MICAL3: variants seen among roughly 807,000 people sequenced by gnomAD.
MICAL3 encodes the protein microtubule associated monooxygenase, calponin and LIM domain containing 3, also known as [F-actin]-monooxygenase MICAL3.
A neutral mutation model predicts 207.4 loss-of-function variants in MICAL3; 62 were observed. The ratio of observed to expected loss-of-function variants is 0.30; its 90% CI spans 0.24 to 0.37. The LOEUF is 0.37. MICAL3 is among the 10% of genes least tolerant of loss of function. The pLI is 1.00. For synonymous variants in MICAL3, 1,077 were observed against 1,069.3 expected (o/e 1.01, Z -0.14); for missense variants, 2,368 against 2,635.6 (o/e 0.90, Z 2.22).
intron 20 of MICAL3, among the ~76,000 whole-genome samples, chr22:17,832,703 C>T (rs958179861): frequency 2.6e-5 from 4 of 152,042 alleles, no homozygotes; most frequent in East Asian, 3.9e-4. Flanking sequence ...TGTGTGACTG[C>T]GGCCTGTCAG....
At chr22:17,812,496 C>T (rs530663946) in intron 27 of MICAL3, 332 of 985,664 alleles carry the variant, frequency 3.4e-4, no homozygotes, top group South Asian at 2.5e-3. Flanking sequence ...CTGACAGGAA[C>T]GAGACACTAC....
chr22:17,933,764 CAG>C (rs1210537751), intron 1 of MICAL3, among the ~76,000 whole-genome samples: 1 of 152,002 alleles, frequency 6.6e-6, no homozygotes, highest in Non-Finnish European at 1.5e-5. Context: ...AAGAATCAAA[CAG>C]ACACAATAAA....
chr22:17,964,202 A>G (rs1935045579), intron 1 of MICAL3, among the ~76,000 whole-genome samples: 1 of 152,154 alleles, frequency 6.6e-6, no homozygotes, highest in Non-Finnish European at 1.5e-5. Flanking sequence ...TCAAGACCCA[A>G]AAAATCTGCC....
At chr22:17,936,238 A>G (rs909597268) in intron 1 of MICAL3, among the ~76,000 whole-genome samples, 2 of 152,238 alleles carry the variant, frequency 1.3e-5, no homozygotes, top group African/African-American at 4.8e-5. Context: ...ACGGAATACT[A>G]TGCAGCCATA....
chr22:17,926,258 G>T (rs568896199), intron 1 of MICAL3, among the ~76,000 whole-genome samples: 1 of 152,208 alleles, frequency 6.6e-6, no homozygotes, highest in African/African-American at 2.4e-5. Flanking sequence ...TGGCATTCCA[G>T]GACGTCTGTG....
intron 1 of MICAL3, among the ~76,000 whole-genome samples, chr22:17,929,169 G>C (rs765730666): frequency 4.0e-5 from 6 of 148,246 alleles, no homozygotes; most frequent in Non-Finnish European, 8.9e-5. Context: ...TGCCATCATA[G>C]CTCACCGTAA....
At chr22:17,986,093 G>A (rs937090343) in intron 1 of MICAL3, among the ~76,000 whole-genome samples, 3 of 152,178 alleles carry the variant, frequency 2.0e-5, no homozygotes, top group African/African-American at 7.2e-5. Flanking sequence ...TTTTAGTAGA[G>A]ATAGGGTTTC....
chr22:17,917,043 T>C (rs557038109), intron 1 of MICAL3, among the ~76,000 whole-genome samples: 1 of 152,300 alleles, frequency 6.6e-6, no homozygotes, highest in East Asian at 1.9e-4. Flanking sequence ...CAATTCTATT[T>C]CGTTTTTTGA....
chr22:17,959,724 T>G (rs757151801), intron 1 of MICAL3, among the ~76,000 whole-genome samples: 4 of 152,164 alleles, frequency 2.6e-5, no homozygotes, highest in Non-Finnish European at 5.9e-5. Flanking sequence ...AGGACTGTTT[T>G]TGTTAGTAAA....
At chr22:17,831,755 G>A (rs982851808) in intron 21 of MICAL3, 99 bp downstream of exon 21, 21 of 1,486,706 alleles carry the variant, frequency 1.4e-5, no homozygotes, top group African/African-American at 5.6e-5. Context: ...CAGGAGGCAC[G>A]TCCGTGTGAC....
At position 17,853,261 on chromosome 22, in the gene MICAL3, G is replaced by A. The variant is rs147753894; in HGVS notation, c.2606-11244C>T. ...CAAGCAGCCATGGAGATTTAACCGT[G>A]CTTCACAACAGCTGGCACGCAACGA... On this transcript the variant is annotated intron_variant, in intron 19 of 31. Transcript: ENST00000441493. 4.7e-3 allele frequency among the ~76,000 whole-genome samples: 719 copies of A among 152,256 alleles called. 9 individuals are homozygous for A. The highest frequency in any genetic ancestry group is 0.017 in the African/African-American group (689 of 41,544).
intron 19 of MICAL3, chr22:17,862,992 C>A (rs1926680036): frequency 1.0e-6 from 1 of 985,344 alleles, no homozygotes; most frequent in African/African-American, 1.7e-5. Context: ...GTCCTCAGGG[C>A]TCTGACTCTT....
chr22:17,966,548 A>AG (rs2146398148), intron 1 of MICAL3, among the ~76,000 whole-genome samples: 1 of 152,276 alleles, frequency 6.6e-6, no homozygotes, highest in South Asian at 2.1e-4. Context: ...ACCAATCCTC[A>AG]GGAGATGAGG....
chr22:18,001,013 C>T (rs1215912151), intron 1 of MICAL3: 2 of 152,252 alleles, frequency 1.3e-5, no homozygotes, highest in African/African-American at 4.8e-5. Flanking sequence ...CCACCCTCCG[C>T]CTCCCGCCTG....
In MICAL3 at chr22:17,896,261, T is replaced by A; in HGVS notation, c.1307A>T (p.Glu436Val). 6.4e-7 allele frequency: 1 copy of A among 1,555,398 alleles called. No individual in the cohort carries two copies. Among genetic ancestry groups the A allele is most frequent in the East Asian group, 2.4e-5 (1 of 41,204 alleles). ...RSWSLGTSPL[E>V]VLAERESIYR... ...TTCCCATTACCTCTCTGCCAGCACT[T>A]CCAAAGGGCTCGTTCCTAGAGACCA... Residue 436 changes from glutamate to valine, a missense_variant, in exon 9 of 32, where the codon GAA becomes GTA. Around this residue, in one of 4 missense-constraint regions of MICAL3, gnomAD observed 147 missense variants for 137.7 expected, o/e 1.07. Transcript: ENST00000441493.
chr22:17,879,288 A>G, intron 16 of MICAL3: 1 of 1,481,280 alleles, frequency 6.8e-7, no homozygotes, highest in African/African-American at 1.4e-5. Context: ...CCACCACCAC[A>G]GCGTGCCCCG....
rs1427365116 is a variant in MICAL3 at position 17,987,486 on chromosome 22, G to A, written c.-75+36795C>T. ...AGCCCTAGGCCTGCTCTCCCTCTAG[G>A]CCACTGCTGGGCCTTCTGCCCCCTG... On this transcript the variant is annotated intron_variant, in intron 1 of 31. Transcript: ENST00000441493. Among the ~76,000 whole-genome samples the A allele has an allele frequency of 2.0e-5, 3 of 152,214 alleles. No individual in the cohort carries two copies. In the East Asian group the frequency reaches 5.8e-4, roughly 29 times the overall value.
chr22:17,811,001 T>C, intron 27 of MICAL3, 188 bp from the exon 28 acceptor site: 1 of 568,250 alleles, frequency 1.8e-6, no homozygotes, highest in South Asian at 2.0e-5. Flanking sequence ...GCAGAAGGCA[T>C]GAGGTCTGCA....
chr22:17,887,155 C>T lies in MICAL3; in HGVS notation c.2067+15G>A. 6.2e-7 allele frequency: 1 copy of T among 1,610,490 alleles called. No homozygotes were observed. Among genetic ancestry groups the T allele is most frequent in the East Asian group, 2.2e-5 (1 of 44,864 alleles). On this transcript the variant is annotated intron_variant, in intron 15 of 31. Coordinates refer to ENST00000441493, the MANE Select transcript of MICAL3 (RefSeq NM_015241.3). ...TCCACATGACCATTCTAGCAATTCC[C>T]CAAGTGAATCTCACCTCCTCTGATT...
Sources: gnomAD v4.1 joint callset for allele counts (sites outside exome capture counted in the v4.1 genomes callset) on GRCh38, gnomAD v4.1.1 for gene constraint, gnomAD v4.1.1 regional missense constraint, MANE v1.5 for transcripts, NCBI Gene and HGNC (gene_info 2026-07-23, HGNC 2026-07-21) for gene names.